TNS3: variants seen among roughly 807,000 people sequenced by gnomAD.
The protein encoded by TNS3 is tensin 3.
TNS3 carries 45 observed loss-of-function variants against 140.9 expected under a neutral mutation model. The observed-to-expected ratio is 0.32, with a 90% CI of 0.25 to 0.41. The LOEUF is 0.41. Among genes scored for constraint, TNS3 ranks in the 10% least tolerant of loss-of-function variants. The pLI is 1.00. For missense variants in TNS3, 1,716 were observed against 1,906.7 expected (o/e 0.90, Z 1.86); for synonymous variants, 815 against 788.4 (o/e 1.03, Z -0.56).
At chr7:47,443,401 C>G (rs541435956) in intron 4 of TNS3, among the ~76,000 whole-genome samples, 2 of 152,274 alleles carry the variant, frequency 1.3e-5, no homozygotes, top group East Asian at 3.9e-4. Flanking sequence ...CTGCTCATCC[C>G]CTATGCCCAC....
At chr7:47,441,907 T>C (rs1795483501) in intron 5 of TNS3, 96 bp downstream of exon 5, 2 of 911,628 alleles carry the variant, frequency 2.2e-6, no homozygotes, top group Non-Finnish European at 3.1e-6. Context: ...AATTATGATT[T>C]CTACAGAAGA....
intron 1 of TNS3, among the ~76,000 whole-genome samples, chr7:47,534,601 C>T (rs1253969592): frequency 6.6e-6 from 1 of 152,134 alleles, no homozygotes; most frequent in Non-Finnish European, 1.5e-5. Flanking sequence ...AGCTCCATCC[C>T]GTGATTCTAA....
chr7:47,469,334 A>G (rs755748802), intron 4 of TNS3, among the ~76,000 whole-genome samples: 2 of 152,244 alleles, frequency 1.3e-5, no homozygotes, highest in Non-Finnish European at 2.9e-5. Flanking sequence ...TTCACAAACT[A>G]TGCATCCAAC....
Position 47,340,127 on chromosome 7 carries a change from T to A in TNS3, c.2650+4628A>T, listed in dbSNP as rs1240266749. 1.6e-3 allele frequency among the ~76,000 whole-genome samples: 161 copies of A among 101,972 alleles called. 1 individual carries two copies. The highest frequency in any genetic ancestry group is 5.5e-3 in the African/African-American group (152 of 27,414). 66.9% of individuals were successfully genotyped at this position (101,972 alleles called of 152,430 possible). ...TATATATATATATATTTTTTTTTTT[T>A]TTTTTTTTTTTTTTTGAGACGGAGT... On this transcript the variant is annotated intron_variant, in intron 20 of 30. Coordinates refer to ENST00000311160, the MANE Select transcript of TNS3 (RefSeq NM_022748.12).
At position 47,548,180 on chromosome 7, in the gene TNS3, G is replaced by C. The variant is rs11768544; in HGVS notation, c.-264-19033C>G. On this transcript the variant is annotated intron_variant, in intron 1 of 30. Coordinates refer to ENST00000311160, the MANE Select transcript of TNS3 (RefSeq NM_022748.12). Reference sequence around the variant, plus strand: ...CTCCCAAAGTGCTGGGATTATAGGGGTGAGTCACCACCCACCCCGTCCCTC... The same window carrying C: ...CTCCCAAAGTGCTGGGATTATAGGGCTGAGTCACCACCCACCCCGTCCCTC... Among the ~76,000 whole-genome samples the C allele has an allele frequency of 1.2e-3, 178 of 152,104 alleles. 1 individual carries two copies. Among genetic ancestry groups the C allele is most frequent in the African/African-American group, 4.1e-3 (169 of 41,492 alleles).
At chr7:47,530,823 CA>C (rs781707373) in intron 1 of TNS3, among the ~76,000 whole-genome samples, 20 of 45,012 alleles carry the variant, frequency 4.4e-4, no homozygotes, top group African/African-American at 1.2e-3. Flanking sequence ...AACTCCATCT[CA>C]AAAAAAAAAA....
chr7:47,371,162 T>G (rs1445229880), intron 16 of TNS3, among the ~76,000 whole-genome samples: 1 of 151,944 alleles, frequency 6.6e-6, no homozygotes, highest in Non-Finnish European at 1.5e-5. Context: ...GGAGTAGAAA[T>G]GCTACATAAA....
intron 1 of TNS3, among the ~76,000 whole-genome samples, chr7:47,533,437 T>TG: frequency 6.6e-6 from 1 of 151,590 alleles, no homozygotes; most frequent in East Asian, 1.9e-4. Context: ...GCCTTTTTTT[T>TG]TTTTTAAAAG....
At chr7:47,352,120 C>G (rs1209625832) in intron 17 of TNS3, among the ~76,000 whole-genome samples, 1 of 149,256 alleles carries the variant, frequency 6.7e-6, no homozygotes, top group Non-Finnish European at 1.5e-5. Context: ...CTCTTAGTCT[C>G]TCACACACTC....
At chr7:47,328,274 C>T (rs754236125) in intron 20 of TNS3, among the ~76,000 whole-genome samples, 3 of 152,200 alleles carry the variant, frequency 2.0e-5, no homozygotes, top group Non-Finnish European at 4.4e-5. Context: ...TGCTGGCTGT[C>T]GCGGGCGGCC....
At chr7:47,547,254 G>A (rs1435710682) in intron 1 of TNS3, among the ~76,000 whole-genome samples, 10 of 152,254 alleles carry the variant, frequency 6.6e-5, no homozygotes, top group South Asian at 2.1e-4. Context: ...GGAGTGGGGC[G>A]GAGGGCAAAG....
At chr7:47,540,770 G>T (rs924555161) in intron 1 of TNS3, among the ~76,000 whole-genome samples, 2 of 152,194 alleles carry the variant, frequency 1.3e-5, no homozygotes, top group Admixed American at 1.3e-4. Flanking sequence ...CGTATTTTTG[G>T]TGAACTGGCC....
chr7:47,564,320 T>G (rs1327245320), intron 1 of TNS3, among the ~76,000 whole-genome samples: 1 of 151,830 alleles, frequency 6.6e-6, no homozygotes, highest in Non-Finnish European at 1.5e-5. Context: ...TTCCGAATTC[T>G]GCTCCAAGCT....
intron 1 of TNS3, among the ~76,000 whole-genome samples, chr7:47,553,591 C>G (rs141729572): frequency 6.6e-6 from 1 of 152,328 alleles, no homozygotes; most frequent in Non-Finnish European, 1.5e-5. Context: ...TTGAGACTTA[C>G]TGTTGAGCTC....
chr7:47,478,225 C>T (rs1481238299), intron 4 of TNS3, among the ~76,000 whole-genome samples: 2 of 152,094 alleles, frequency 1.3e-5, no homozygotes, highest in Admixed American at 6.5e-5. Flanking sequence ...AAGCACCGAT[C>T]GCAGGGCCCC....
intron 1 of TNS3, among the ~76,000 whole-genome samples, chr7:47,561,570 C>A (rs893860654): frequency 6.6e-6 from 1 of 152,176 alleles, no homozygotes; most frequent in East Asian, 1.9e-4. Flanking sequence ...CATGCAGTCA[C>A]CTCAGAAGTG....
chr7:47,448,641 G>A (rs1450976544), intron 4 of TNS3, among the ~76,000 whole-genome samples: 1 of 151,942 alleles, frequency 6.6e-6, no homozygotes. Context: ...CAACACACCT[G>A]GCTAATTTTT....
intron 2 of TNS3, among the ~76,000 whole-genome samples, chr7:47,516,642 T>C (rs1381777028): frequency 6.6e-6 from 1 of 152,080 alleles, no homozygotes; most frequent in Admixed American, 6.5e-5. Flanking sequence ...ACCCTGCTAA[T>C]GCCCCATCTA....
intron 20 of TNS3, among the ~76,000 whole-genome samples, chr7:47,341,295 G>C (rs1467360651): frequency 6.6e-6 from 1 of 152,154 alleles, no homozygotes; most frequent in Non-Finnish European, 1.5e-5. Flanking sequence ...CTGTTTTCTG[G>C]AAGGTATTGC....
Sources: gnomAD v4.1 joint callset for allele counts (sites outside exome capture counted in the v4.1 genomes callset) on GRCh38, gnomAD v4.1.1 for gene constraint, MANE v1.5 for transcripts, NCBI Gene and HGNC (gene_info 2026-07-23, HGNC 2026-07-21) for gene names.